PDCD10: variants seen among roughly 807,000 people sequenced by gnomAD.
PDCD10 encodes programmed cell death protein 10.
In PDCD10, 4 loss-of-function variants were observed where a neutral mutation model predicts 29.2. The ratio of observed to expected loss-of-function variants is 0.14; its 90% CI spans 0.07 to 0.31. PDCD10 has a LOEUF of 0.31. PDCD10 is among the 10% of genes least tolerant of loss of function. PDCD10 has a pLI of 1.00. For synonymous variants in PDCD10, 70 were observed against 82.2 expected (o/e 0.85, Z 0.80); for missense variants, 183 against 257.9 (o/e 0.71, Z 1.99).
At chr3:167,707,857 A>G (rs144884070) in intron 3 of PDCD10, among the ~76,000 whole-genome samples, 1 of 152,204 alleles carries the variant, frequency 6.6e-6, no homozygotes, top group Non-Finnish European at 1.5e-5. Context: ...TCAGTTACAC[A>G]GTATGTCCAT....
At chr3:167,725,513 A>T (rs966586486) in intron 2 of PDCD10, 1 of 151,798 alleles carries the variant, frequency 6.6e-6, no homozygotes, top group Non-Finnish European at 1.5e-5. Flanking sequence ...TAAGTCAGTG[A>T]TCCTACTTAG....
At chr3:167,694,152 C>T (rs909981479) in intron 6 of PDCD10, among the ~76,000 whole-genome samples, 2 of 151,692 alleles carry the variant, frequency 1.3e-5, no homozygotes, top group African/African-American at 2.4e-5. Context: ...AATTATTTCA[C>T]CTCTTTAAAA....
chr3:167,705,897 T>C (rs886138760), intron 3 of PDCD10, among the ~76,000 whole-genome samples: 7 of 152,158 alleles, frequency 4.6e-5, no homozygotes, highest in Non-Finnish European at 1.0e-4. Flanking sequence ...AAAATAACAA[T>C]ATAGCTCATT....
chr3:167,691,079 T>C (rs893530050), intron 6 of PDCD10, among the ~76,000 whole-genome samples: 2 of 152,200 alleles, frequency 1.3e-5, no homozygotes, highest in African/African-American at 2.4e-5. Context: ...ATAACTACCT[T>C]AGATATAAGA....
intron 6 of PDCD10, among the ~76,000 whole-genome samples, chr3:167,689,007 C>T (rs1020581945): frequency 3.9e-5 from 6 of 152,040 alleles, no homozygotes; most frequent in Admixed American, 1.3e-4. Flanking sequence ...GTAGTAATTC[C>T]ATTTTCATTG....
At chr3:167,696,146 A>T (rs1720786437) in intron 5 of PDCD10, among the ~76,000 whole-genome samples, 1 of 152,126 alleles carries the variant, frequency 6.6e-6, no homozygotes, top group South Asian at 2.1e-4. Context: ...AAAATTTAAA[A>T]CCCCTATATT....
chr3:167,686,194 CG>C (rs1355766855), intron 8 of PDCD10, among the ~76,000 whole-genome samples: 1 of 152,126 alleles, frequency 6.6e-6, no homozygotes, highest in Admixed American at 6.6e-5. Context: ...ACTACCTATA[CG>C]GCCAGACTTT....
intron 2 of PDCD10, among the ~76,000 whole-genome samples, chr3:167,728,787 G>C (rs1003251296): frequency 2.6e-5 from 4 of 152,166 alleles, no homozygotes; most frequent in Non-Finnish European, 5.9e-5. Context: ...TGGAGATATG[G>C]TGATGAAAAG....
Sources: allele counts gnomAD v4.1 joint callset (sites outside exome capture counted in the v4.1 genomes callset), GRCh38; gene constraint gnomAD v4.1.1; transcripts MANE v1.5; gene names NCBI Gene and HGNC (gene_info 2026-07-23, HGNC 2026-07-21).